The following SPATA6L variants were observed in gnomAD, a reference collection of about 807,000 sequenced individuals.
SPATA6L encodes the protein spermatogenesis associated 6-like protein.
SPATA6L carries 68 observed loss-of-function variants against 49.2 expected under a neutral mutation model. The observed-to-expected ratio is 1.38, with a 90% CI of 1.14 to 1.69. The LOEUF (loss-of-function observed/expected upper bound fraction) is 1.69, where lower values mean the gene tolerates loss of function less well. Ranked by LOEUF, SPATA6L falls within the 40% of genes most tolerant of loss-of-function variation. SPATA6L has a pLI of 0.00. For synonymous variants in SPATA6L, 198 were observed against 165.7 expected (o/e 1.19, Z -1.50); for missense variants, 668 against 464.3 (o/e 1.44, Z -4.03).
intron 4 of SPATA6L, among the ~76,000 whole-genome samples, chr9:4,629,755 ATGTG>A (rs370931784): frequency 8.0e-6 from 1 of 125,448 alleles, no homozygotes; most frequent in Non-Finnish European, 1.6e-5. Context: ...TGTTTTATAT[ATGTG>A]TGTGTGTGTG....
At chr9:4,611,169 G>A (rs1826621417) in intron 9 of SPATA6L, among the ~76,000 whole-genome samples, 2 of 147,124 alleles carry the variant, frequency 1.4e-5, no homozygotes, top group Non-Finnish European at 2.9e-5. Flanking sequence ...AGAGGATGTG[G>A]AGAAATAGGA....
intron 3 of SPATA6L, among the ~76,000 whole-genome samples, chr9:4,639,835 G>C (rs1350828546): frequency 6.6e-6 from 1 of 152,212 alleles, no homozygotes; most frequent in East Asian, 1.9e-4. Context: ...TGTCAGAATT[G>C]ACAGCGCGCT....
intron 3 of SPATA6L, among the ~76,000 whole-genome samples, chr9:4,649,020 G>C (rs530558144): frequency 1.6e-4 from 24 of 151,008 alleles, no homozygotes; most frequent in African/African-American, 4.9e-4. Context: ...TCCTTTTAAT[G>C]GTTGAGTAGT....
chr9:4,619,019 C>A, intron 7 of SPATA6L, 121 bp from the exon 8 acceptor site: 1 of 831,304 alleles, frequency 1.2e-6, no homozygotes, highest in South Asian at 1.7e-5. Context: ...TATTTAAAAA[C>A]TTAAATGCTC....
At chr9:4,625,687 G>T in intron 5 of SPATA6L, 121 bp from the exon 6 acceptor site, 1 of 608,298 alleles carries the variant, frequency 1.6e-6, no homozygotes, top group Non-Finnish European at 2.5e-6. Context: ...ACACACCTCA[G>T]ATTTATAAAA....
At chr9:4,589,599 C>T (rs528449673) in intron 13 of SPATA6L, among the ~76,000 whole-genome samples, 1 of 152,294 alleles carries the variant, frequency 6.6e-6, no homozygotes, top group African/African-American at 2.4e-5. Context: ...AATAAGTGTT[C>T]GCAGTCCTTT....
intron 9 of SPATA6L, among the ~76,000 whole-genome samples, chr9:4,617,193 T>G (rs1341316250): frequency 6.6e-6 from 1 of 152,218 alleles, no homozygotes; most frequent in African/African-American, 2.4e-5. Flanking sequence ...TGGAGTTTGC[T>G]TCTTATTCTC....
chr9:4,633,958 T>G (rs1459052774), intron 4 of SPATA6L, among the ~76,000 whole-genome samples: 1 of 152,220 alleles, frequency 6.6e-6, no homozygotes, highest in South Asian at 2.1e-4. Flanking sequence ...TGCAGGTGTT[T>G]CCACACATTT....
chr9:4,600,456 A>G lies in SPATA6L; in HGVS notation c.*355T>C, dbSNP rs866226120. 2 of 150,914 alleles carry G rather than the reference A, an allele frequency of 1.3e-5. No individual in the cohort carries two copies. Among genetic ancestry groups the G allele is most frequent in the African/African-American group, 2.5e-5 (1 of 40,568 alleles). 9.3% of individuals were successfully genotyped at this position (150,914 alleles called of 1,614,324 possible). On this transcript the variant is annotated 3_prime_UTR_variant, in exon 12 of 12. Transcript: ENST00000682582. Reference sequence around the variant, plus strand: ...AACTTCCTCTAGCTCATATATAATTAATTTGAGAGAGAGAGACAGAGAGAG... The same window carrying G: ...AACTTCCTCTAGCTCATATATAATTGATTTGAGAGAGAGAGACAGAGAGAG...
intron 2 of SPATA6L, 135 bp downstream of exon 2, chr9:4,661,764 G>GCTTCAAGGCCGACTGCGGTTTTT: frequency 6.6e-6 from 8 of 1,209,564 alleles, no homozygotes; most frequent in Non-Finnish European, 9.0e-6. Context: ...CTGCGGTTTT[G>GCTTCAAGGCCGACTGCGGTTTTT]CATTGTGCTG....
chr9:4,605,780 A>G (rs1564120138), intron 9 of SPATA6L, among the ~76,000 whole-genome samples: 1 of 152,244 alleles, frequency 6.6e-6, no homozygotes, highest in Non-Finnish European at 1.5e-5. Flanking sequence ...TTTTTAATAT[A>G]AAATTTAAAT....
intron 3 of SPATA6L, among the ~76,000 whole-genome samples, chr9:4,641,233 C>A (rs545804576): frequency 6.6e-6 from 1 of 151,922 alleles, no homozygotes; most frequent in Non-Finnish European, 1.5e-5. Context: ...TAAATATATT[C>A]GTGTTTATAT....
rs1587140093 is a variant in SPATA6L at position 4,622,505 on chromosome 9, G to C, written c.675C>G (p.Asp225Glu). ...SKPPFVVRHV[D>E]SAKPFGENIS... ...TATTCTCACCAAAGGGCTTTGCACTGTCCACCTGAAAGTAAAGGAAAGAAA... is the reference window on the plus strand; with the variant it reads ...TATTCTCACCAAAGGGCTTTGCACTCTCCACCTGAAAGTAAAGGAAAGAAA... The change falls in exon 7 of 12, where the codon GAC becomes GAG. Residue 225 changes from aspartate (D) to glutamate (E), a missense_variant. Coordinates refer to ENST00000682582, the MANE Select transcript of SPATA6L (RefSeq NM_001353486.2). 2 of 1,606,726 alleles carry C rather than the reference G, an allele frequency of 1.2e-6. No homozygotes were observed. Among genetic ancestry groups the C allele is most frequent in the East Asian group, 4.5e-5 (2 of 44,822 alleles).
chr9:4,640,730 T>A (rs753334522), intron 3 of SPATA6L, among the ~76,000 whole-genome samples: 2 of 152,100 alleles, frequency 1.3e-5, no homozygotes, highest in Non-Finnish European at 1.5e-5. Flanking sequence ...AATTAATGGA[T>A]CAAACTGTAC....
At chr9:4,592,028 C>A (rs1360092338) in intron 13 of SPATA6L, among the ~76,000 whole-genome samples, 2 of 152,082 alleles carry the variant, frequency 1.3e-5, no homozygotes, top group Non-Finnish European at 2.9e-5. Context: ...AAAACAGCAA[C>A]AACAAGCCAA....
intron 3 of SPATA6L, among the ~76,000 whole-genome samples, chr9:4,644,933 G>C (rs1412160544): frequency 1.3e-5 from 2 of 152,090 alleles, no homozygotes; most frequent in Non-Finnish European, 2.9e-5. Flanking sequence ...TCTGTAAAGG[G>C]TCAGACTACT....
At chr9:4,625,898 TC>T (rs1432457073) in intron 5 of SPATA6L, 1 of 176,130 alleles carries the variant, frequency 5.7e-6, no homozygotes, top group African/African-American at 2.4e-5. Flanking sequence ...CAATTTCACT[TC>T]CAGGAATGTA....
At chr9:4,613,765 G>A (rs748112650) in intron 9 of SPATA6L, among the ~76,000 whole-genome samples, 100 of 152,100 alleles carry the variant, frequency 6.6e-4, no homozygotes, top group Middle Eastern at 3.4e-3. Context: ...TGTATTTTTC[G>A]TAGAGACGGG....
chr9:4,621,442 A>G (rs769340000), intron 7 of SPATA6L, among the ~76,000 whole-genome samples: 2 of 152,252 alleles, frequency 1.3e-5, no homozygotes, highest in African/African-American at 2.4e-5. Flanking sequence ...AAAAGCTACA[A>G]TGATGTCATG....
Sources: allele counts gnomAD v4.1 joint callset (sites outside exome capture counted in the v4.1 genomes callset), GRCh38; gene constraint gnomAD v4.1.1; transcripts MANE v1.5; gene names NCBI Gene and HGNC (gene_info 2026-07-23, HGNC 2026-07-21).